Variants in PARP1 observed in about 807,000 individuals in gnomAD.
PARP1 encodes the protein poly(ADP-ribose) polymerase 1.
A neutral mutation model predicts 118.7 loss-of-function variants in PARP1; 44 were observed. The ratio of observed to expected loss-of-function variants is 0.37; its 90% CI spans 0.29 to 0.48. PARP1 has a LOEUF of 0.48. Among genes scored for constraint, PARP1 ranks in the 20% least tolerant of loss-of-function variants. The probability of loss-of-function intolerance (pLI) is 0.99; values close to 1 mark genes in which losing one functional copy is unlikely to be tolerated. For synonymous variants in PARP1, 492 were observed against 483.2 expected (o/e 1.02, Z -0.24); for missense variants, 1,100 against 1,272.4 (o/e 0.86, Z 2.06).
chr1:226,385,676 A>G lies in PARP1; in HGVS notation c.839T>C (p.Leu280Ser). ...QQVPSGESAI[L>S]DRVADGMVFG... ...CACCATGCCATCAGCTACTCGGTCC[A>G]AGATCTGCAGCCAGTGGAGAAACAT... Residue 280 changes from leucine to serine, a missense_variant, in exon 7 of 23, where the codon TTG becomes TCG. Transcript: ENST00000366794. 2 of 1,614,146 alleles carry G rather than the reference A, an allele frequency of 1.2e-6. No homozygotes were observed. The highest frequency in any genetic ancestry group is 1.7e-6 in the Non-Finnish European group (2 of 1,179,978).
intron 21 of PARP1, 105 bp from the exon 22 acceptor site, chr1:226,362,188 T>C (rs1026640414): frequency 4.3e-5 from 30 of 700,636 alleles, no homozygotes; most frequent in South Asian, 6.4e-5. Context: ...GTCTTTCTTT[T>C]TTTTTTTTTT....
intron 2 of PARP1, among the ~76,000 whole-genome samples, chr1:226,399,073 CTTTTTTTT>C (rs34094559): frequency 3.2e-5 from 4 of 125,794 alleles, no homozygotes; most frequent in Non-Finnish European, 4.9e-5. Flanking sequence ...ATGGAGGAAT[CTTTTTTTT>C]TTTTTTTTTT....
chr1:226,405,481 T>C (rs143666659), intron 1 of PARP1, among the ~76,000 whole-genome samples: 1 of 152,142 alleles, frequency 6.6e-6, no homozygotes, highest in Non-Finnish European at 1.5e-5. Flanking sequence ...AATCATTGCA[T>C]TTTTTTGTAG....
intron 1 of PARP1, among the ~76,000 whole-genome samples, chr1:226,407,502 G>A (rs1346653275): frequency 1.3e-5 from 2 of 151,986 alleles, no homozygotes; most frequent in Non-Finnish European, 2.9e-5. Context: ...CCCCTGAGGC[G>A]AACGGCAGTA....
intron 4 of PARP1, 141 bp from the exon 5 acceptor site, chr1:226,388,896 C>T (rs959272278): frequency 2.2e-5 from 16 of 741,304 alleles, no homozygotes; most frequent in South Asian, 2.2e-4. Context: ...CTAACCCCTG[C>T]CCCACTCAGT....
Position 226,380,102 on chromosome 1 carries a change from A to G in PARP1, c.1363T>C (p.Ser455Pro). 1 of 1,614,182 alleles carries G rather than the reference A, an allele frequency of 6.2e-7. No individual in the cohort carries two copies. The highest frequency in any genetic ancestry group is 8.5e-7 in the Non-Finnish European group (1 of 1,180,008). The change falls in exon 10 of 23, where the codon TCT (serine) becomes CCT (proline). Residue 455 changes from serine (S) to proline (P), a missense_variant. Physicochemically the swap from Ser to Pro is moderately conservative, Grantham distance 74. Coordinates refer to ENST00000366794, the MANE Select transcript of PARP1 (RefSeq NM_001618.4). ...GAGACGTCCTGGAGGAAGTCCTCAGACACAACTCGGATGTTGGCTTCCTTT... is the reference window on the plus strand; with the variant it reads ...GAGACGTCCTGGAGGAAGTCCTCAGGCACAACTCGGATGTTGGCTTCCTTT... Reference protein sequence around the residue: ...EVKEANIRVVSEDFLQDVSAS... With the variant: ...EVKEANIRVVPEDFLQDVSAS...
chr1:226,382,455 G>A (rs1157514003), intron 8 of PARP1, among the ~76,000 whole-genome samples: 1 of 152,196 alleles, frequency 6.6e-6, no homozygotes, highest in African/African-American at 2.4e-5. Context: ...CTCCAGGTAA[G>A]GCTGTCGACC....
chr1:226,406,088 T>A (rs576970738), intron 1 of PARP1, among the ~76,000 whole-genome samples: 59 of 151,970 alleles, frequency 3.9e-4, no homozygotes, highest in Non-Finnish European at 1.6e-4. Flanking sequence ...CTAATAACTG[T>A]GATTTTTGTA....
intron 21 of PARP1, among the ~76,000 whole-genome samples, chr1:226,362,852 ATTTT>A (rs3046776): frequency 3.4e-5 from 5 of 148,316 alleles, no homozygotes; most frequent in Non-Finnish European, 4.5e-5. Context: ...GAGCTTGCCT[ATTTT>A]TTTTTTTTTT....
intron 17 of PARP1, chr1:226,366,750 G>T (rs1300458328): frequency 6.3e-6 from 1 of 158,184 alleles, no homozygotes; most frequent in East Asian, 1.9e-4. Flanking sequence ...GTCTTACCCT[G>T]CTTGGACCCA....
At chr1:226,367,430 G>GCT in intron 17 of PARP1, 50 bp downstream of exon 17, 5 of 1,602,126 alleles carry the variant, frequency 3.1e-6, no homozygotes, top group Non-Finnish European at 4.3e-6. Flanking sequence ...TGGGACCGCT[G>GCT]CTCTCAGGAT....
intron 19 of PARP1, 128 bp from the exon 20 acceptor site, chr1:226,364,198 T>C (rs1664206486): frequency 1.1e-6 from 1 of 890,976 alleles, no homozygotes; most frequent in Non-Finnish European, 1.9e-6. Flanking sequence ...ATTCTCACAA[T>C]GCCCATGGTG....
At chr1:226,404,917 T>C (rs940325699) in intron 1 of PARP1, among the ~76,000 whole-genome samples, 1 of 152,096 alleles carries the variant, frequency 6.6e-6, no homozygotes, top group African/African-American at 2.4e-5. Flanking sequence ...CCTCACTGCA[T>C]GCCTCCGGGT....
At chr1:226,394,207 C>A (rs1643394386) in intron 2 of PARP1, among the ~76,000 whole-genome samples, 2 of 152,070 alleles carry the variant, frequency 1.3e-5, no homozygotes, top group South Asian at 2.1e-4. Context: ...ACAAAACAAC[C>A]AAACCCCAGC....
Position 226,379,179 on chromosome 1 carries a change from AG to A in PARP1, c.1707del (p.Tyr570ThrfsTer26). 1 of 1,614,106 alleles carries A rather than the reference AG, an allele frequency of 6.2e-7. No homozygotes were observed. The highest frequency in any genetic ancestry group is 2.2e-5 in the East Asian group (1 of 44,896). ...TCGTCCTCCAGAAGCTGCAGCTTGT[AG>A]TAGGAGTTGGTTCCTTTAACGATGT... The part of the protein sequence containing the change: ...LVDIVKGTNS[Y>X]YKLQLLEDDK... On this transcript the variant is annotated frameshift_variant, in exon 12 of 23. Coordinates refer to ENST00000366794, the MANE Select transcript of PARP1 (RefSeq NM_001618.4). LOFTEE classifies it high-confidence loss of function.
rs745533822 is a variant in PARP1, at chr1:226,377,225, C to A, written c.1824G>T (p.Glu608Asp). The A allele has an allele frequency of 6.2e-7, 1 of 1,614,090 alleles. No individual in the cohort carries two copies. The highest frequency in any genetic ancestry group is 1.1e-5 in the South Asian group (1 of 91,078). The change falls in exon 13 of 23, where the codon GAG becomes GAT. Residue 608 changes from glutamate (E) to aspartate (D), a missense_variant. Glu to Asp is a conservative substitution (Grantham distance 45). This residue lies in a region of PARP1 where 948 missense variants were observed against 1,031.8 expected (regional missense o/e 0.92). Coordinates refer to ENST00000366794, the MANE Select transcript of PARP1 (RefSeq NM_001618.4). ...SNKLEQMPSK[E>D]DAIEHFMKLY... ...ATTTCATGAAGTGCTCAATGGCATC[C>A]TCCTTGGACGGCATCTGTTCCAGTT... is the stretch of plus-strand genomic sequence containing the variant.
At chr1:226,376,297 A>C (rs1576394512) in intron 13 of PARP1, among the ~76,000 whole-genome samples, 1 of 152,244 alleles carries the variant, frequency 6.6e-6, no homozygotes, top group South Asian at 2.1e-4. Context: ...TTTGCAAAGA[A>C]AAAAGACAAA....
In PARP1 at chr1:226,385,677, A is replaced by G. The variant is rs944494611; in HGVS notation, c.838T>C (p.Leu280=). The change falls in exon 7 of 23, where the codon TTG becomes CTG. Residue 280 remains leucine (L), a synonymous_variant. Transcript: ENST00000366794. Reference sequence around the variant, plus strand: ...ACCATGCCATCAGCTACTCGGTCCAAGATCTGCAGCCAGTGGAGAAACATG... The same window carrying G: ...ACCATGCCATCAGCTACTCGGTCCAGGATCTGCAGCCAGTGGAGAAACATG... ...QQVPSGESAI[L]DRVADGMVFG... 1 of 1,614,140 alleles carries G rather than the reference A, an allele frequency of 6.2e-7. No homozygotes were observed. Among genetic ancestry groups the G allele is most frequent in the Non-Finnish European group, 8.5e-7 (1 of 1,179,946 alleles).
rs113544548 is a variant in PARP1 at position 226,400,304 on chromosome 1, C to CAAAACA, written c.286+1904_286+1909dup. 5.9e-3 allele frequency among the ~76,000 whole-genome samples: 892 copies of CAAAACA among 151,872 alleles called. 12 individuals are homozygous for CAAAACA. The highest frequency in any genetic ancestry group is 0.021 in the African/African-American group (852 of 41,404). Reference sequence around the variant, plus strand: ...ACAGAGTGAGACTCCATCTCGAAAACAAAACAAAAACAAAAACAACAACAA... The same window carrying CAAAACA: ...ACAGAGTGAGACTCCATCTCGAAAACAAAACAAAAACAAAAACAAAAACAACAACAA... On this transcript the variant is annotated intron_variant, in intron 2 of 22. Transcript: ENST00000366794.
Sources: allele counts gnomAD v4.1 joint callset (sites outside exome capture counted in the v4.1 genomes callset), GRCh38; gene constraint gnomAD v4.1.1; regional missense constraint gnomAD v4.1.1; transcripts MANE v1.5; gene names NCBI Gene and HGNC (gene_info 2026-07-23, HGNC 2026-07-21).